Variants in BRF1 observed in about 807,000 individuals in gnomAD.
BRF1 encodes the protein transcription factor IIIB 90 kDa subunit.
BRF1 carries 59 observed loss-of-function variants against 81.7 expected under a neutral mutation model. The observed-to-expected ratio is 0.72, with a 90% CI of 0.59 to 0.90. BRF1 has a LOEUF of 0.90. Among genes scored for constraint, BRF1 ranks in the 40% least tolerant of loss-of-function variants. The probability of loss-of-function intolerance (pLI) is 0.00; values close to 1 mark genes in which losing one functional copy is unlikely to be tolerated. For missense variants in BRF1, 1,050 were observed against 936.3 expected, an observed-to-expected ratio of 1.12 and a Z score of -1.58; for synonymous variants, 491 against 395.6, an observed-to-expected ratio of 1.24 and a Z score of -2.86.
At chr14:105,295,806 C>T (rs973734366) in intron 1 of BRF1, among the ~76,000 whole-genome samples, 5 of 149,504 alleles carry the variant, frequency 3.3e-5, no homozygotes, top group South Asian at 2.1e-4. Context: ...AAGCTGGGTG[C>T]GGTGGCTCAC....
chr14:105,278,708 C>A (rs907039072), intron 2 of BRF1, among the ~76,000 whole-genome samples: 2 of 151,814 alleles, frequency 1.3e-5, no homozygotes, highest in African/African-American at 4.8e-5. Flanking sequence ...GAGTTGAAGA[C>A]CAACCTGGCC....
rs138847182 is a variant in BRF1, at chr14:105,214,976, C to T, written c.1772+2568G>A. ...CAGGTAGACCCCCTCTCCCCTGCCC[C>T]GCTGGAACTGCCTGAGCTGCCCAGG... On this transcript the variant is annotated intron_variant, in intron 15 of 17. Coordinates refer to ENST00000547530, the MANE Select transcript of BRF1 (RefSeq NM_001519.4). 4.4e-3 allele frequency among the ~76,000 whole-genome samples: 670 copies of T among 152,336 alleles called. 4 individuals are homozygous for T. Among genetic ancestry groups the T allele is most frequent in the African/African-American group, 0.015 (639 of 41,564 alleles).
intron 2 of BRF1, among the ~76,000 whole-genome samples, chr14:105,281,237 C>G (rs973569525): frequency 2.8e-5 from 4 of 141,364 alleles, no homozygotes; most frequent in Non-Finnish European, 1.5e-5. Context: ...GATCCTGAGC[C>G]CGGGTGTGTG....
chr14:105,248,381 G>A lies in BRF1; in HGVS notation c.544+4126C>T, dbSNP rs943750728. The A allele has an allele frequency of 7.1e-6, 7 of 985,226 alleles. No homozygotes were observed. The Admixed American group carries it at 3.7e-4, about 52-fold the overall frequency. The allele number at this position is 985,226 out of a possible 1,614,324, so 61.0% of individuals were successfully genotyped here. On this transcript the variant is annotated intron_variant, in intron 5 of 17. Transcript: ENST00000547530. ...TGGCACTGCGGGTCTGGGGGCGGCC[G>A]CCTGCCAGCGCCGGGAGCCGCCTTC...
rs914834562 is a variant in BRF1, at chr14:105,252,580, C to T, written c.472-1G>A. On this transcript the variant is annotated splice_acceptor_variant, in intron 4 of 17. Transcript: ENST00000547530. LOFTEE classifies it high-confidence loss of function. Reference sequence around the variant, plus strand: ...TCTTTCCAAGCACGTACACATTCACCTGAGATGGAGAGATCACAACCAGAA... The same window carrying T: ...TCTTTCCAAGCACGTACACATTCACTTGAGATGGAGAGATCACAACCAGAA... 1 of 1,613,026 alleles carries T rather than the reference C, an allele frequency of 6.2e-7. No homozygotes were observed. The highest frequency in any genetic ancestry group is 8.5e-7 in the Non-Finnish European group (1 of 1,179,784).
At chr14:105,219,809 T>C (rs28702916) in intron 12 of BRF1, 166,777 of 556,366 alleles carry the variant, frequency 0.3, 33,341 homozygotes, top group African/African-American at 0.75. Flanking sequence ...GTGTGCCTGC[T>C]GCAGGCTATG....
intron 14 of BRF1, 56 bp from the exon 15 acceptor site, chr14:105,217,856 A>G (rs1891589572): frequency 3.8e-6 from 6 of 1,586,746 alleles, no homozygotes; most frequent in South Asian, 2.2e-5. Context: ...GCACTCCACC[A>G]TCAGGGGCTC....
chr14:105,294,437 C>T (rs1190312989), intron 1 of BRF1, among the ~76,000 whole-genome samples: 2 of 152,228 alleles, frequency 1.3e-5, no homozygotes, highest in Non-Finnish European at 2.9e-5. Context: ...TCACCAGGCC[C>T]GGATGCACTT....
At chr14:105,229,709 G>C (rs1245224143) in intron 6 of BRF1, among the ~76,000 whole-genome samples, 39 of 121,960 alleles carry the variant, frequency 3.2e-4, no homozygotes, top group Admixed American at 6.1e-4. Flanking sequence ...GGAGAGAGAG[G>C]CCACACCACT....
chr14:105,224,627 C>A (rs587645465), intron 10 of BRF1, among the ~76,000 whole-genome samples: 12 of 152,316 alleles, frequency 7.9e-5, no homozygotes, highest in African/African-American at 2.9e-4. Flanking sequence ...TAGCTCACTG[C>A]ACATCGAACT....
intron 10 of BRF1, chr14:105,222,301 C>T (rs1892405259): frequency 5.5e-6 from 1 of 181,866 alleles, no homozygotes; most frequent in Non-Finnish European, 1.1e-5. Context: ...AGACAGCCCA[C>T]AGGCTTATCT....
chr14:105,220,078 C>A lies in BRF1; in HGVS notation c.1368G>T (p.Glu456Asp). ...ELDLSGIDDL[E>D]IDRYILNESE... ...GGGTGCTGCCACGTACCCTGTCAATCTCCAGGTCATCAATGCCACTGAGGT... is the reference window on the plus strand; with the variant it reads ...GGGTGCTGCCACGTACCCTGTCAATATCCAGGTCATCAATGCCACTGAGGT... Residue 456 changes from glutamate (E) to aspartate (D), a missense_variant, in exon 12 of 18, where the codon GAG becomes GAT. Coordinates refer to ENST00000547530, the MANE Select transcript of BRF1 (RefSeq NM_001519.4). The A allele has an allele frequency of 1.9e-6, 3 of 1,613,076 alleles. No individual in the cohort carries two copies. Among genetic ancestry groups the A allele is most frequent in the Non-Finnish European group, 2.5e-6 (3 of 1,180,010 alleles).
intron 1 of BRF1, chr14:105,314,978 GC>G: frequency 8.0e-7 from 1 of 1,246,354 alleles, no homozygotes. Context: ...ACACGCCCGT[GC>G]CCATGAACCT....
chr14:105,220,690 G>A (rs1329309862), intron 11 of BRF1, among the ~76,000 whole-genome samples: 3 of 152,206 alleles, frequency 2.0e-5, no homozygotes, highest in Non-Finnish European at 4.4e-5. Context: ...GCACAGCCTG[G>A]AATTGGGACA....
chr14:105,303,478 C>T (rs587661805), upstream of BRF1, among the ~76,000 whole-genome samples: 7 of 152,134 alleles, frequency 4.6e-5, no homozygotes, highest in South Asian at 2.1e-4. Flanking sequence ...CTCCTGACCT[C>T]GTGATCCACC....
In BRF1 at chr14:105,269,744, G is replaced by C. The variant is rs1595433491; in HGVS notation, c.439+2977C>G. On this transcript the variant is annotated intron_variant, in intron 3 of 17. Coordinates refer to ENST00000547530, the MANE Select transcript of BRF1 (RefSeq NM_001519.4). This position sits in a 1 kb window ranked among gnomAD's most constrained non-coding sequence, Gnocchi z 5.0. Reference sequence around the variant, plus strand: ...TCACCCCATGAAGGCCCATGTCCCAGGGCATCTGTCCCCCCCACAGGAGGC... The same window carrying C: ...TCACCCCATGAAGGCCCATGTCCCACGGCATCTGTCCCCCCCACAGGAGGC... Among the ~76,000 whole-genome samples the C allele has an allele frequency of 6.6e-6, 1 of 152,144 alleles. No individual in the cohort carries two copies. The highest frequency in any genetic ancestry group is 1.9e-4 in the East Asian group (1 of 5,190).
chr14:105,260,028 T>C (rs916962717), intron 3 of BRF1, among the ~76,000 whole-genome samples: 1 of 152,198 alleles, frequency 6.6e-6, no homozygotes, highest in African/African-American at 2.4e-5. Flanking sequence ...GGTTGCCTTT[T>C]GCGGGGCTGG....
intron 11 of BRF1, among the ~76,000 whole-genome samples, 183 bp from the exon 12 acceptor site, chr14:105,220,313 G>C (rs1048996298): frequency 1.3e-5 from 2 of 152,186 alleles, no homozygotes; most frequent in East Asian, 3.8e-4. Context: ...TAAATGCCTA[G>C]CTCAGGACAC....
intron 2 of BRF1, among the ~76,000 whole-genome samples, chr14:105,283,748 G>A (rs1489522251): frequency 6.6e-6 from 1 of 152,172 alleles, no homozygotes; most frequent in African/African-American, 2.4e-5. Context: ...TAAAGATACC[G>A]CGAGTTTTTG....
Sources: gnomAD v4.1 joint callset for allele counts (sites outside exome capture counted in the v4.1 genomes callset) on GRCh38, gnomAD v4.1.1 for gene constraint, Gnocchi (gnomAD v3.1) non-coding constraint, MANE v1.5 for transcripts, NCBI Gene and HGNC (gene_info 2026-07-23, HGNC 2026-07-21) for gene names.